The following KSR1 variants were observed in gnomAD, a reference collection of about 807,000 sequenced individuals.
The protein encoded by KSR1 is kinase suppressor of ras 1, also known as kinase suppressor of ras.
In KSR1, 35 loss-of-function variants were observed where a neutral mutation model predicts 92.9. That is an observed-to-expected ratio of 0.38 (90% confidence interval 0.29 to 0.50). The LOEUF (loss-of-function observed/expected upper bound fraction) is 0.50, where lower values mean the gene tolerates loss of function less well. Ranked by LOEUF, KSR1 falls within the 20% of genes least tolerant of loss-of-function variation. The pLI is 0.94. For synonymous variants in KSR1, 467 were observed against 472.6 expected, an observed-to-expected ratio of 0.99 and a Z score of 0.15; for missense variants, 972 against 1,158.5, an observed-to-expected ratio of 0.84 and a Z score of 2.34.
At chr17:27,554,224 C>T (rs1024536678) in intron 2 of KSR1, among the ~76,000 whole-genome samples, 7 of 152,152 alleles carry the variant, frequency 4.6e-5, no homozygotes, top group Admixed American at 3.9e-4. Flanking sequence ...TGAATTTTTG[C>T]GGTCAGACCT....
At chr17:27,527,633 G>C (rs1250533614) in intron 1 of KSR1, among the ~76,000 whole-genome samples, 3 of 152,120 alleles carry the variant, frequency 2.0e-5, no homozygotes, top group Non-Finnish European at 4.4e-5. Context: ...GACCTCAAGT[G>C]ATCCACCCAC....
intron 14 of KSR1, among the ~76,000 whole-genome samples, chr17:27,607,705 G>C (rs558037218): frequency 5.3e-5 from 8 of 152,176 alleles, no homozygotes; most frequent in African/African-American, 1.9e-4. Context: ...GTTTGTGTGC[G>C]TGTACGTGTG....
At chr17:27,615,350 A>G (rs9898167) in intron 18 of KSR1, among the ~76,000 whole-genome samples, 8,152 of 152,298 alleles carry the variant, frequency 0.054, 617 homozygotes, top group African/African-American at 0.17. Context: ...CACTGGTCAG[A>G]TGATTCACTG....
In KSR1 at chr17:27,617,436, C is replaced by A; in HGVS notation, c.2627+8C>A. 1 of 1,598,776 alleles carries A rather than the reference C, an allele frequency of 6.3e-7. No homozygotes were observed. Among genetic ancestry groups the A allele is most frequent in the Non-Finnish European group, 8.6e-7 (1 of 1,167,882 alleles). ...CTTCTGGAAGTCAGCTGAGTAAGTG[C>A]CTCTTCCATGAGCCAGACTGCCAGC... is the stretch of plus-strand genomic sequence containing the variant. On this transcript the variant is annotated splice_region_variant and intron_variant, in intron 19 of 20. Transcript: ENST00000644974.
At chr17:27,604,215 G>A (rs1292740623) in intron 12 of KSR1, among the ~76,000 whole-genome samples, 2 of 152,186 alleles carry the variant, frequency 1.3e-5, no homozygotes. Flanking sequence ...CTGAGCACTT[G>A]ACTCACATTC....
chr17:27,506,540 A>G (rs2150991165), intron 1 of KSR1, among the ~76,000 whole-genome samples: 1 of 151,912 alleles, frequency 6.6e-6, no homozygotes, highest in East Asian at 1.9e-4. Context: ...GGTGATTTCC[A>G]CCTCCCCTTC....
chr17:27,460,892 G>A (rs2150898749), intron 1 of KSR1, among the ~76,000 whole-genome samples: 1 of 152,296 alleles, frequency 6.6e-6, no homozygotes, highest in South Asian at 2.1e-4. Context: ...CACCTAGCAA[G>A]GGCTCTGAAG....
intron 1 of KSR1, among the ~76,000 whole-genome samples, chr17:27,457,777 C>T (rs1047795465): frequency 6.6e-6 from 1 of 152,126 alleles, no homozygotes; most frequent in African/African-American, 2.4e-5. Flanking sequence ...GGCGGTGAAA[C>T]GTCAGACCAG....
At chr17:27,495,886 T>G (rs1261890511) in intron 1 of KSR1, among the ~76,000 whole-genome samples, 1 of 152,176 alleles carries the variant, frequency 6.6e-6, no homozygotes, top group Non-Finnish European at 1.5e-5. Context: ...AAAATTTGAG[T>G]GTTGCCCCTA....
chr17:27,538,367 A>G (rs1476101624), intron 1 of KSR1, among the ~76,000 whole-genome samples: 1 of 152,198 alleles, frequency 6.6e-6, no homozygotes, highest in Admixed American at 6.5e-5. Context: ...CGAGATGGCC[A>G]CTGCAGCTTG....
chr17:27,468,088 A>AT (rs1482319734), intron 1 of KSR1, among the ~76,000 whole-genome samples: 1 of 151,670 alleles, frequency 6.6e-6, no homozygotes, highest in Non-Finnish European at 1.5e-5. Flanking sequence ...AAGTGCTGGG[A>AT]TTACAGGCGT....
chr17:27,522,424 G>T (rs1567789178), intron 1 of KSR1, among the ~76,000 whole-genome samples: 1 of 152,212 alleles, frequency 6.6e-6, no homozygotes, highest in South Asian at 2.1e-4. Flanking sequence ...GTCACAGCTG[G>T]AATCTGGCTT....
chr17:27,580,568 A>G (rs2072711358), intron 3 of KSR1, among the ~76,000 whole-genome samples: 1 of 152,080 alleles, frequency 6.6e-6, no homozygotes, highest in Admixed American at 6.6e-5. Flanking sequence ...CAAGGTGGGG[A>G]GCACGGTGCT....
rs774790544 is a variant in KSR1, at chr17:27,592,482, C to T, written c.1193-38C>T. On this transcript the variant is annotated intron_variant, in intron 8 of 20. Coordinates refer to ENST00000644974, the MANE Select transcript of KSR1 (RefSeq NM_001394583.1). ...GATTTGGGTGAATCTTTAGCTTGAC[C>T]TGTTCCCTGGTGATGGGTTTTCCCT... 22 of 1,613,200 alleles carry T rather than the reference C, an allele frequency of 1.4e-5. No individual in the cohort carries two copies. In the Admixed American group the frequency reaches 2.7e-4, roughly 20 times the overall value.
At chr17:27,550,297 C>T (rs2071347639) in intron 1 of KSR1, among the ~76,000 whole-genome samples, 1 of 152,244 alleles carries the variant, frequency 6.6e-6, no homozygotes, top group African/African-American at 2.4e-5. Flanking sequence ...TCTGTTCTGA[C>T]CAGTGTTGCC....
chr17:27,514,023 A>C (rs1476380493), intron 1 of KSR1, among the ~76,000 whole-genome samples: 1 of 152,254 alleles, frequency 6.6e-6, no homozygotes, highest in Admixed American at 6.5e-5. Flanking sequence ...TAAGCTCTTA[A>C]TGTGTTTTCA....
Position 27,577,446 on chromosome 17 carries a change from C to T in KSR1, c.373-46C>T, listed in dbSNP as rs916494305. 2.4e-6 allele frequency: 3 copies of T among 1,255,452 alleles called. No homozygotes were observed. Among genetic ancestry groups the T allele is most frequent in the African/African-American group, 3.0e-5 (2 of 67,388 alleles). The allele number at this position is 1,255,452 out of a possible 1,614,324, so 77.8% of individuals were successfully genotyped here. The stretch of plus-strand genomic sequence containing the variant: ...GCCTGAGGCTGAGGGGCTCCCGGCC[C>T]AGCCGACTGCTCACCGCCTCTCTGC... On this transcript the variant is annotated intron_variant, in intron 2 of 20. Coordinates refer to ENST00000644974, the MANE Select transcript of KSR1 (RefSeq NM_001394583.1). This position sits in a 1 kb window ranked among gnomAD's most constrained non-coding sequence, Gnocchi z 4.5.
At chr17:27,556,926 C>T (rs1011590971) in intron 2 of KSR1, among the ~76,000 whole-genome samples, 7 of 152,226 alleles carry the variant, frequency 4.6e-5, no homozygotes, top group African/African-American at 1.7e-4. Context: ...TGCCTTAGCC[C>T]TCCTGTTGTT....
intron 1 of KSR1, among the ~76,000 whole-genome samples, chr17:27,525,307 A>T (rs995749046): frequency 6.6e-6 from 1 of 152,202 alleles, no homozygotes; most frequent in African/African-American, 2.4e-5. Flanking sequence ...TGCCAGGAAT[A>T]TGCCTTTTGT....
Sources: allele counts gnomAD v4.1 joint callset (sites outside exome capture counted in the v4.1 genomes callset), GRCh38; gene constraint gnomAD v4.1.1; non-coding constraint Gnocchi (gnomAD v3.1); transcripts MANE v1.5; gene names NCBI Gene and HGNC (gene_info 2026-07-23, HGNC 2026-07-21).